Variants in BCL7C observed in about 807,000 individuals in gnomAD.
The protein encoded by BCL7C is B-cell CLL/lymphoma 7 protein family member C.
In BCL7C, 8 loss-of-function variants were observed where a neutral mutation model predicts 26.2. The ratio of observed to expected loss-of-function variants is 0.30; its 90% CI spans 0.18 to 0.55. BCL7C has a LOEUF of 0.55. BCL7C is among the 20% of genes least tolerant of loss of function. BCL7C has a pLI of 0.93. For synonymous variants in BCL7C, 90 were observed against 116.5 expected (o/e 0.77, Z 1.47); for missense variants, 262 against 298.5 (o/e 0.88, Z 0.90).
intron 3 of BCL7C, 30 bp downstream of exon 3, chr16:30,892,810 A>G (rs1180599973): frequency 1.9e-6 from 3 of 1,613,854 alleles, no homozygotes; most frequent in Non-Finnish European, 2.5e-6. Flanking sequence ...CAGTCCCCAC[A>G]GCCCCCCGCG....
At chr16:30,881,730 C>G (rs2055046781) in intron 5 of BCL7C, among the ~76,000 whole-genome samples, 1 of 152,184 alleles carries the variant, frequency 6.6e-6, no homozygotes, top group Non-Finnish European at 1.5e-5. Flanking sequence ...TGGCCATTCC[C>G]TCTGCCTGGA....
rs779196537 is a variant in BCL7C at position 30,892,537 on chromosome 16, AG to A, written c.442+48del. On this transcript the variant is annotated intron_variant, in intron 4 of 5. Transcript: ENST00000215115. Reference sequence around the variant, plus strand: ...GATGAGCTGGTAGGTTAGACTCTGGAGAAGACAGGACTTAGAGGAGAGAGCT... The same window carrying A: ...GATGAGCTGGTAGGTTAGACTCTGGAAAGACAGGACTTAGAGGAGAGAGCT... The A allele has an allele frequency of 4.6e-6, 7 of 1,514,002 alleles. No homozygotes were observed. The East Asian group carries it at 1.6e-4, about 34-fold the overall frequency. The allele number at this position is 1,514,002 out of a possible 1,614,324, so 93.8% of individuals were successfully genotyped here.
chr16:30,868,294 A>ATT (rs542877918), intron 5 of BCL7C, among the ~76,000 whole-genome samples: 4 of 134,224 alleles, frequency 3.0e-5, no homozygotes, highest in African/African-American at 5.5e-5. Context: ...GACCCGGCTA[A>ATT]TTTTTTTTTT....
At chr16:30,879,087 T>G (rs1208005169) in intron 5 of BCL7C, among the ~76,000 whole-genome samples, 2 of 152,164 alleles carry the variant, frequency 1.3e-5, no homozygotes, top group African/African-American at 4.8e-5. Flanking sequence ...CCAAGGGCAG[T>G]GGCAGGATCC....
At chr16:30,853,294 A>T (rs979083292) in intron 5 of BCL7C, among the ~76,000 whole-genome samples, 17 of 152,118 alleles carry the variant, frequency 1.1e-4, no homozygotes, top group African/African-American at 3.9e-4. Flanking sequence ...TTTGTTAAAA[A>T]CTAAGACACA....
At chr16:30,851,675 G>T in intron 5 of BCL7C, 1 of 719,998 alleles carries the variant, frequency 1.4e-6, no homozygotes, top group Non-Finnish European at 2.3e-6. Flanking sequence ...ATACTTCTCA[G>T]ATGTAATGGT....
In BCL7C at chr16:30,852,543, G is replaced by A. The variant is rs527422935; in HGVS notation, c.529-17395C>T. ...GTCCTGCTTTGGCGCCCAGGTTGGAGTGCAGTATTGTGATCTCGGCTCACG... is the reference window on the plus strand; with the variant it reads ...GTCCTGCTTTGGCGCCCAGGTTGGAATGCAGTATTGTGATCTCGGCTCACG... On this transcript the variant is annotated intron_variant, in intron 5 of 5. Coordinates refer to the BCL7C transcript ENST00000380317. Among the ~76,000 whole-genome samples the A allele has an allele frequency of 2.0e-5, 3 of 148,484 alleles. No individual in the cohort carries two copies. The South Asian group carries it at 6.4e-4, about 32-fold the overall frequency.
intron 5 of BCL7C, 159 bp downstream of exon 5, chr16:30,888,701 C>T: frequency 1.7e-6 from 1 of 603,908 alleles, no homozygotes; most frequent in South Asian, 2.1e-5. Flanking sequence ...CTGAAACACC[C>T]TTTCTTTTTC....
At chr16:30,877,859 C>T (rs1462819839) in intron 5 of BCL7C, among the ~76,000 whole-genome samples, 1 of 152,162 alleles carries the variant, frequency 6.6e-6, no homozygotes, top group Non-Finnish European at 1.5e-5. Flanking sequence ...ATGTTAGCAT[C>T]ACCTGAGGAG....
At chr16:30,849,760 C>CT (rs57218612) in intron 5 of BCL7C, among the ~76,000 whole-genome samples, 6 of 141,570 alleles carry the variant, frequency 4.2e-5, no homozygotes, top group African/African-American at 1.6e-4. Flanking sequence ...CTCCTTTTTT[C>CT]TTTTTTTTTT....
At chr16:30,873,951 G>T (rs199998096) in intron 5 of BCL7C, among the ~76,000 whole-genome samples, 2 of 9,644 alleles carry the variant, frequency 2.1e-4, no homozygotes, top group African/African-American at 5.3e-4. Flanking sequence ...ATAGATATAT[G>T]TATACACACA....
intron 4 of BCL7C, 130 bp from the exon 5 acceptor site, chr16:30,889,075 G>A: frequency 2.4e-6 from 2 of 841,104 alleles, no homozygotes; most frequent in South Asian, 3.2e-5. Context: ...AGAGGAGAGA[G>A]CAGGAACCTG....
At chr16:30,850,071 A>C (rs577029959) in intron 5 of BCL7C, among the ~76,000 whole-genome samples, 4 of 152,062 alleles carry the variant, frequency 2.6e-5, no homozygotes, top group South Asian at 2.1e-4. Flanking sequence ...TCAGCTGGGC[A>C]TGGTGGCAGG....
chr16:30,891,928 T>G (rs1429168449), intron 4 of BCL7C, among the ~76,000 whole-genome samples: 3 of 139,926 alleles, frequency 2.1e-5, no homozygotes, highest in Non-Finnish European at 4.6e-5. Context: ...TGCACCAGAG[T>G]ACTCCAGCGT....
At position 30,834,429 on chromosome 16, in the gene BCL7C, T is replaced by G. The variant is rs1491002208; in HGVS notation, c.*519A>C. 1.3e-5 allele frequency: 2 copies of G among 152,812 alleles called. No individual in the cohort carries two copies. Among genetic ancestry groups the G allele is most frequent in the East Asian group, 3.8e-4 (2 of 5,196 alleles). 9.5% of individuals were successfully genotyped at this position (152,812 alleles called of 1,614,324 possible). On this transcript the variant is annotated 3_prime_UTR_variant, in exon 6 of 6. Coordinates refer to the BCL7C transcript ENST00000380317. This position sits in a 1 kb window ranked among gnomAD's most constrained non-coding sequence, Gnocchi z 4.3. The stretch of plus-strand genomic sequence containing the variant: ...TGGGGTCTCTGCGCGTGCACGGGCC[T>G]CAACATATGCATGGACGTCCAGGTG...
At chr16:30,883,847 C>T (rs145557228), downstream of BCL7C, among the ~76,000 whole-genome samples, 17 of 146,742 alleles carry the variant, frequency 1.2e-4, no homozygotes, top group East Asian at 3.5e-3. Flanking sequence ...GTCAAAGTGC[C>T]GGGCGCAGTG....
chr16:30,842,015 TG>T (rs1267671102), intron 5 of BCL7C, among the ~76,000 whole-genome samples: 8 of 396 alleles, frequency 0.02, no homozygotes, highest in African/African-American at 0.021. Context: ...AGGTGCCCCC[TG>T]ACCCCTTCTT....
chr16:30,872,934 T>C (rs1188934620), intron 5 of BCL7C, among the ~76,000 whole-genome samples: 4 of 152,248 alleles, frequency 2.6e-5, no homozygotes, highest in Non-Finnish European at 4.4e-5. Context: ...AATGATGACC[T>C]GGAGAACCGT....
chr16:30,868,133 T>TTG (rs1002038554), intron 5 of BCL7C, among the ~76,000 whole-genome samples: 1 of 149,098 alleles, frequency 6.7e-6, no homozygotes, highest in African/African-American at 2.5e-5. Context: ...CTGTGGGTTT[T>TTG]TTTTTTTTTT....
Sources: allele counts gnomAD v4.1 joint callset (sites outside exome capture counted in the v4.1 genomes callset), GRCh38; gene constraint gnomAD v4.1.1; non-coding constraint Gnocchi (gnomAD v3.1); transcripts MANE v1.5; gene names NCBI Gene and HGNC (gene_info 2026-07-23, HGNC 2026-07-21).